The following GPR39 variants were observed in gnomAD, a reference collection of about 807,000 sequenced individuals.
GPR39 encodes the protein zinc sensing receptor.
A neutral mutation model predicts 18.4 loss-of-function variants in GPR39; 23 were observed. The observed-to-expected ratio is 1.25, with a 90% CI of 0.90 to 1.77. The LOEUF is 1.77. Ranked by LOEUF, GPR39 falls within the 40% of genes most tolerant of loss-of-function variation. The pLI, the probability that GPR39 is intolerant of heterozygous loss-of-function variation, is 0.00. For synonymous variants in GPR39, 280 were observed against 257.9 expected (o/e 1.09, Z -0.82); for missense variants, 647 against 602.4 (o/e 1.07, Z -0.78).
chr2:132,635,534 G>C (rs1681736253), intron 1 of GPR39, among the ~76,000 whole-genome samples: 1 of 152,152 alleles, frequency 6.6e-6, no homozygotes, highest in African/African-American at 2.4e-5. Context: ...GAGAGGAATA[G>C]GGAGGAAGGA....
chr2:132,590,677 C>T (rs1029157437), intron 1 of GPR39, among the ~76,000 whole-genome samples: 7 of 151,868 alleles, frequency 4.6e-5, no homozygotes. Flanking sequence ...AAGCACTGTT[C>T]CTCATCCTTA....
intron 1 of GPR39, among the ~76,000 whole-genome samples, chr2:132,633,651 T>C (rs1681692747): frequency 6.6e-6 from 1 of 152,032 alleles, no homozygotes; most frequent in African/African-American, 2.4e-5. Context: ...GTGATGATGG[T>C]GGTGGTGAGT....
rs1679670333 is a variant in GPR39, at chr2:132,532,997, G to A, written c.857-112104G>A. Among the ~76,000 whole-genome samples, 2 of 152,060 alleles carry A rather than the reference G, an allele frequency of 1.3e-5. 1 individual carries two copies. The highest frequency in any genetic ancestry group is 4.1e-4 in the South Asian group (2 of 4,824). On this transcript the variant is annotated intron_variant, in intron 1 of 1. Coordinates refer to ENST00000329321, the MANE Select transcript of GPR39 (RefSeq NM_001508.3). ...CGTAGTGTTGGAAGTTCTGGCCAGG[G>A]CAATCAGGCAGGAGAAGGAAATAAA...
intron 1 of GPR39, among the ~76,000 whole-genome samples, chr2:132,525,727 A>G (rs1421900545): frequency 6.6e-6 from 1 of 152,204 alleles, no homozygotes; most frequent in Non-Finnish European, 1.5e-5. Flanking sequence ...CTGGCAGTGG[A>G]GGCACAAATA....
intron 1 of GPR39, among the ~76,000 whole-genome samples, chr2:132,590,791 C>T (rs1680813436): frequency 6.6e-6 from 1 of 150,738 alleles, no homozygotes; most frequent in Non-Finnish European, 1.5e-5. Context: ...GTCAACTTGA[C>T]TGGATTGAAG....
intron 1 of GPR39, among the ~76,000 whole-genome samples, chr2:132,563,021 G>A (rs1000646646): frequency 3.9e-5 from 6 of 152,312 alleles, no homozygotes; most frequent in Non-Finnish European, 8.8e-5. Flanking sequence ...TGCTGCCACA[G>A]GGAAGGTGGT....
At chr2:132,433,874 A>G (rs973203739) in intron 1 of GPR39, 1 of 151,696 alleles carries the variant, frequency 6.6e-6, no homozygotes, top group South Asian at 2.1e-4. Context: ...AGCAATTGCT[A>G]TAGACTCTAA....
chr2:132,454,108 C>G (rs144948590), intron 1 of GPR39, among the ~76,000 whole-genome samples: 1 of 152,138 alleles, frequency 6.6e-6, no homozygotes, highest in Non-Finnish European at 1.5e-5. Context: ...TCTTCCTATC[C>G]ATGATCATGG....
At chr2:132,589,783 A>T (rs755119886) in intron 1 of GPR39, among the ~76,000 whole-genome samples, 2 of 152,326 alleles carry the variant, frequency 1.3e-5, no homozygotes, top group African/African-American at 4.8e-5. Flanking sequence ...TTAAAATTAC[A>T]CTTAACTTGA....
At chr2:132,534,244 A>G (rs1679699598) in intron 1 of GPR39, among the ~76,000 whole-genome samples, 1 of 152,112 alleles carries the variant, frequency 6.6e-6, no homozygotes, top group Non-Finnish European at 1.5e-5. Flanking sequence ...AAAAATGTTC[A>G]TCATCACTGG....
At chr2:132,492,420 C>A (rs1019754208) in intron 1 of GPR39, among the ~76,000 whole-genome samples, 4 of 130,144 alleles carry the variant, frequency 3.1e-5, no homozygotes, top group Non-Finnish European at 6.4e-5. Flanking sequence ...CATATATATA[C>A]CATATATACA....
chr2:132,564,814 T>TTC (rs1680318172), intron 1 of GPR39, among the ~76,000 whole-genome samples: 2 of 126,246 alleles, frequency 1.6e-5, no homozygotes, highest in Non-Finnish European at 3.3e-5. Flanking sequence ...TTTTTTCTTT[T>TTC]TTTTTTTTTT....
intron 1 of GPR39, among the ~76,000 whole-genome samples, chr2:132,555,034 A>C (rs1680122079): frequency 6.6e-6 from 1 of 151,434 alleles, no homozygotes; most frequent in Admixed American, 6.6e-5. Flanking sequence ...TCACTGCAAC[A>C]TCCACCTCCC....
At chr2:132,616,449 C>T (rs1681336600) in intron 1 of GPR39, among the ~76,000 whole-genome samples, 2 of 152,074 alleles carry the variant, frequency 1.3e-5, no homozygotes, top group Middle Eastern at 3.2e-3. Flanking sequence ...AGGCAAGGAG[C>T]CAGAAGCCTG....
chr2:132,501,498 G>A (rs558150948), intron 1 of GPR39, among the ~76,000 whole-genome samples: 251 of 152,096 alleles, frequency 1.7e-3, no homozygotes, highest in Non-Finnish European at 2.5e-3. Context: ...GTGGGCTATC[G>A]TATGGTCTAT....
intron 1 of GPR39, among the ~76,000 whole-genome samples, chr2:132,631,261 G>A (rs1012495028): frequency 3.3e-5 from 5 of 152,180 alleles, no homozygotes; most frequent in African/African-American, 1.2e-4. Context: ...GTGCATCTCC[G>A]ACATTTACTG....
chr2:132,621,670 G>A (rs1185074971), intron 1 of GPR39, among the ~76,000 whole-genome samples: 1 of 152,146 alleles, frequency 6.6e-6, no homozygotes, highest in Non-Finnish European at 1.5e-5. Context: ...TGAGTATGGT[G>A]GAACCAGAGA....
chr2:132,572,020 G>A (rs564446173), intron 1 of GPR39, among the ~76,000 whole-genome samples: 7 of 152,250 alleles, frequency 4.6e-5, no homozygotes, highest in Non-Finnish European at 8.8e-5. Context: ...GGTATCAAGA[G>A]AGGAAATCTG....
intron 1 of GPR39, among the ~76,000 whole-genome samples, chr2:132,540,018 G>C (rs1679834326): frequency 6.6e-6 from 1 of 152,044 alleles, no homozygotes; most frequent in African/African-American, 2.4e-5. Flanking sequence ...CAGAGGAAAG[G>C]AAGTTGCTAT....
Sources: allele counts gnomAD v4.1 joint callset (sites outside exome capture counted in the v4.1 genomes callset), GRCh38; gene constraint gnomAD v4.1.1; transcripts MANE v1.5; gene names NCBI Gene and HGNC (gene_info 2026-07-23, HGNC 2026-07-21).